The following PKIA variants were observed in gnomAD, a reference collection of about 807,000 sequenced individuals.
PKIA encodes cAMP-dependent protein kinase inhibitor alpha, also known as PKI-alpha.
A neutral mutation model predicts 7.6 loss-of-function variants in PKIA; 4 were observed. That is an observed-to-expected ratio of 0.52 (90% CI 0.26 to 1.20). The LOEUF (loss-of-function observed/expected upper bound fraction) is 1.20. Among genes scored for constraint, PKIA ranks in the 50% most tolerant of loss-of-function variants. PKIA has a pLI of 0.13. For missense variants in PKIA, 73 were observed against 86.2 expected (o/e 0.85, Z 0.61); for synonymous variants, 21 against 30.7 (o/e 0.68, Z 1.04).
At chr8:78,548,049 G>A (rs1348382537) in intron 1 of PKIA, among the ~76,000 whole-genome samples, 1 of 151,860 alleles carries the variant, frequency 6.6e-6, no homozygotes, top group Non-Finnish European at 1.5e-5. Flanking sequence ...AATATATTAA[G>A]ATAAATAGTA....
intron 2 of PKIA, among the ~76,000 whole-genome samples, chr8:78,587,639 C>A (rs1807977471): frequency 6.6e-6 from 1 of 152,120 alleles, no homozygotes; most frequent in Non-Finnish European, 1.5e-5. Flanking sequence ...TAATTTGCTA[C>A]TTTCGTCATA....
intron 1 of PKIA, among the ~76,000 whole-genome samples, chr8:78,526,483 C>A (rs1809546265): frequency 6.6e-6 from 1 of 151,962 alleles, no homozygotes; most frequent in Non-Finnish European, 1.5e-5. Flanking sequence ...AGCAAAGTGC[C>A]ATATAAAATA....
chr8:78,527,368 C>G (rs1806270117), intron 1 of PKIA, among the ~76,000 whole-genome samples: 1 of 151,804 alleles, frequency 6.6e-6, no homozygotes, highest in African/African-American at 2.4e-5. Flanking sequence ...ATATTATAAA[C>G]TATAATTATG....
At chr8:78,593,907 G>GT (rs1317599215) in intron 2 of PKIA, among the ~76,000 whole-genome samples, 1 of 152,152 alleles carries the variant, frequency 6.6e-6, no homozygotes, top group Non-Finnish European at 1.5e-5. Flanking sequence ...TAGTAATTTA[G>GT]TACAATCAGG....
intron 1 of PKIA, among the ~76,000 whole-genome samples, chr8:78,541,255 A>T (rs1585880480): frequency 1.3e-5 from 2 of 152,134 alleles, no homozygotes; most frequent in East Asian, 3.9e-4. Flanking sequence ...ACATTTTACA[A>T]ATAAAAGTTG....
chr8:78,537,557 G>T (rs1234140976), intron 1 of PKIA, among the ~76,000 whole-genome samples: 1 of 151,952 alleles, frequency 6.6e-6, no homozygotes, highest in East Asian at 1.9e-4. Context: ...ATATATTTTT[G>T]AGTTACTTTA....
chr8:78,544,462 A>G (rs189302935), intron 1 of PKIA, among the ~76,000 whole-genome samples: 1 of 152,246 alleles, frequency 6.6e-6, no homozygotes, highest in East Asian at 1.9e-4. Flanking sequence ...ATTCTGAATC[A>G]TATTCCAGCA....
At chr8:78,564,693 C>G (rs1807363707) in intron 1 of PKIA, among the ~76,000 whole-genome samples, 1 of 151,542 alleles carries the variant, frequency 6.6e-6, no homozygotes, top group Middle Eastern at 3.2e-3. Context: ...ATTGTCCTGT[C>G]ATGTGTAATA....
At chr8:78,597,445 A>C (rs1808251703) in intron 2 of PKIA, among the ~76,000 whole-genome samples, 1 of 152,182 alleles carries the variant, frequency 6.6e-6, no homozygotes, top group Admixed American at 6.5e-5. Context: ...TTGATCACTG[A>C]AAATATTTAG....
chr8:78,556,571 A>T (rs949917524), intron 1 of PKIA: 1 of 152,132 alleles, frequency 6.6e-6, no homozygotes, highest in Non-Finnish European at 1.5e-5. Context: ...TCTCCAGTAC[A>T]GTTGCTCTTC....
At chr8:78,538,097 C>T (rs1413181959) in intron 1 of PKIA, among the ~76,000 whole-genome samples, 1 of 152,032 alleles carries the variant, frequency 6.6e-6, no homozygotes, top group Non-Finnish European at 1.5e-5. Context: ...TTCTCTACGT[C>T]CCTGTGCTGA....
chr8:78,543,026 G>T (rs748779050), intron 1 of PKIA, among the ~76,000 whole-genome samples: 14 of 152,228 alleles, frequency 9.2e-5, no homozygotes, highest in Non-Finnish European at 1.8e-4. Context: ...TTAAAGCAAG[G>T]TGATGCTTAA....
At chr8:78,528,499 A>T (rs888739459) in intron 1 of PKIA, among the ~76,000 whole-genome samples, 5 of 151,896 alleles carry the variant, frequency 3.3e-5, no homozygotes, top group African/African-American at 9.7e-5. Flanking sequence ...TCTAAAATTA[A>T]CTCTGGAATA....
intron 1 of PKIA, among the ~76,000 whole-genome samples, chr8:78,553,845 A>G (rs1201548354): frequency 5.9e-5 from 9 of 151,830 alleles, no homozygotes. Context: ...AAACAGTCAG[A>G]TAAGATTAAC....
chr8:78,575,787 C>T (rs533440995), intron 2 of PKIA, among the ~76,000 whole-genome samples: 47 of 152,140 alleles, frequency 3.1e-4, no homozygotes, highest in African/African-American at 8.4e-4. Flanking sequence ...CCAGTTATAT[C>T]AGCCAATCTA....
At chr8:78,598,698 C>G (rs374547001) in intron 3 of PKIA, among the ~76,000 whole-genome samples, 163 bp downstream of exon 3, 140 of 152,186 alleles carry the variant, frequency 9.2e-4, no homozygotes, top group African/African-American at 1.9e-3. Flanking sequence ...CTTAATCACT[C>G]CTGCTCTATT....
intron 3 of PKIA, among the ~76,000 whole-genome samples, chr8:78,600,304 T>G (rs1166144979): frequency 6.7e-6 from 1 of 149,702 alleles, no homozygotes; most frequent in African/African-American, 2.4e-5. Flanking sequence ...TTTTTGTAAT[T>G]CGTAAATGTT....
chr8:78,531,592 T>C (rs1806386571), intron 1 of PKIA, among the ~76,000 whole-genome samples: 1 of 152,106 alleles, frequency 6.6e-6, no homozygotes, highest in African/African-American at 2.4e-5. Flanking sequence ...TTTTGACAGA[T>C]GGGCAAATTG....
chr8:78,597,896 C>A (rs558072640), intron 2 of PKIA, among the ~76,000 whole-genome samples: 101 of 152,048 alleles, frequency 6.6e-4, no homozygotes, highest in African/African-American at 1.8e-3. Context: ...GAGATCATGT[C>A]TGTTGCAGCA....
Sources: gnomAD v4.1 joint callset for allele counts (sites outside exome capture counted in the v4.1 genomes callset) on GRCh38, gnomAD v4.1.1 for gene constraint, MANE v1.5 for transcripts, NCBI Gene and HGNC (gene_info 2026-07-23, HGNC 2026-07-21) for gene names.